SYN2: variants seen among roughly 807,000 people sequenced by gnomAD.
The protein encoded by SYN2 is synapsin-2.
Under a neutral mutation model 50.9 loss-of-function variants are expected in SYN2, and 19 were observed. The observed-to-expected ratio is 0.37, with a 90% confidence interval of 0.26 to 0.55. The LOEUF (loss-of-function observed/expected upper bound fraction) is 0.55. Among genes scored for constraint, SYN2 ranks in the 20% least tolerant of loss-of-function variants. SYN2 has a pLI of 0.81. For missense variants in SYN2, 587 were observed against 576.4 expected (o/e 1.02, Z -0.19); for synonymous variants, 255 against 224.9 (o/e 1.13, Z -1.20).
chr3:12,123,928 T>C (rs1696613649), intron 1 of SYN2, among the ~76,000 whole-genome samples: 2 of 152,072 alleles, frequency 1.3e-5, no homozygotes, highest in Non-Finnish European at 2.9e-5. Flanking sequence ...GGAGGATCTC[T>C]TGAGCCCGGG....
chr3:12,004,638 C>T lies in SYN2; in HGVS notation c.87C>T (p.Pro29=), dbSNP rs1260826202. The T allele has an allele frequency of 2.3e-5, 10 of 440,454 alleles. No homozygotes were observed. The highest frequency in any genetic ancestry group is 3.6e-4 in the Middle Eastern group (1 of 2,816). 27.3% of individuals were successfully genotyped at this position (440,454 alleles called of 1,614,324 possible). ...GCTACATGACCGACCTGCAGCGGCC[C>T]GAGCCCCAGCAGCCGCCGCCGCCGC... ...PNGYMTDLQR[P]EPQQPPPPPP... Residue 29 remains proline, a synonymous_variant, in exon 1 of 13, where the codon CCC becomes CCT. Coordinates refer to ENST00000621198, the MANE Select transcript of SYN2 (RefSeq NM_133625.6).
chr3:12,046,591 G>A (rs1694744755), intron 1 of SYN2, among the ~76,000 whole-genome samples: 1 of 152,146 alleles, frequency 6.6e-6, no homozygotes, highest in South Asian at 2.1e-4. Context: ...TGACTGCTCT[G>A]GCTGCCATCT....
intron 1 of SYN2, among the ~76,000 whole-genome samples, chr3:12,063,525 C>G (rs1312399654): frequency 6.6e-5 from 10 of 151,966 alleles, no homozygotes. Context: ...AGGTTTCTCA[C>G]TGTCGGAGTG....
intron 2 of SYN2, among the ~76,000 whole-genome samples, chr3:12,141,313 A>T (rs1258407309): frequency 1.3e-5 from 2 of 152,094 alleles, no homozygotes; most frequent in Non-Finnish European, 2.9e-5. Context: ...TTCCTATGTG[A>T]TAAAAGAAGT....
At chr3:12,089,647 AT>A (rs1195510024) in intron 1 of SYN2, among the ~76,000 whole-genome samples, 1 of 152,126 alleles carries the variant, frequency 6.6e-6, no homozygotes, top group African/African-American at 2.4e-5. Context: ...TTATATTTAA[AT>A]TTTTTCTTTT....
intron 7 of SYN2, among the ~76,000 whole-genome samples, chr3:12,166,708 AAAG>A (rs1229058840): frequency 2.6e-5 from 4 of 152,234 alleles, no homozygotes; most frequent in African/African-American, 7.2e-5. Context: ...GTGAGCCAGT[AAAG>A]AAGATATTGG....
At chr3:12,042,789 A>G (rs1694647328) in intron 1 of SYN2, among the ~76,000 whole-genome samples, 1 of 152,206 alleles carries the variant, frequency 6.6e-6, no homozygotes, top group Non-Finnish European at 1.5e-5. Context: ...AGAGAGCAGC[A>G]CAGAGAGGAG....
chr3:12,086,798 G>A (rs1008924443), intron 1 of SYN2, among the ~76,000 whole-genome samples: 4 of 152,022 alleles, frequency 2.6e-5, no homozygotes, highest in African/African-American at 9.7e-5. Context: ...TCTAAGATCA[G>A]GAATAAGACC....
chr3:12,140,820 C>G, intron 2 of SYN2, 112 bp downstream of exon 2: 4 of 705,360 alleles, frequency 5.7e-6, no homozygotes, highest in Non-Finnish European at 7.9e-6. Context: ...TCATTGGGTT[C>G]TGGACTCTGC....
At chr3:12,058,994 A>G (rs1695056551) in intron 1 of SYN2, among the ~76,000 whole-genome samples, 1 of 152,168 alleles carries the variant, frequency 6.6e-6, no homozygotes, top group Non-Finnish European at 1.5e-5. Flanking sequence ...GTGTATCTAA[A>G]TCTACCTGTC....
chr3:12,064,070 G>A (rs764473806), intron 1 of SYN2, among the ~76,000 whole-genome samples: 1 of 151,872 alleles, frequency 6.6e-6, no homozygotes, highest in Non-Finnish European at 1.5e-5. Flanking sequence ...AAGTAATGTT[G>A]GTAGTGTATA....
intron 1 of SYN2, among the ~76,000 whole-genome samples, chr3:12,072,928 C>T (rs1432768074): frequency 6.6e-6 from 1 of 152,034 alleles, no homozygotes; most frequent in Non-Finnish European, 1.5e-5. Context: ...GCACTAAAGG[C>T]TAGTTGAAAG....
intron 1 of SYN2, among the ~76,000 whole-genome samples, chr3:12,035,232 G>A (rs534949136): frequency 6.6e-6 from 1 of 152,252 alleles, no homozygotes. Flanking sequence ...TCAGGGACTG[G>A]GCCCACAAGG....
At chr3:12,045,244 T>G (rs915959051) in intron 1 of SYN2, among the ~76,000 whole-genome samples, 1 of 152,192 alleles carries the variant, frequency 6.6e-6, no homozygotes, top group African/African-American at 2.4e-5. Flanking sequence ...CTTCAGCAAC[T>G]GCTTAATGAC....
intron 1 of SYN2, among the ~76,000 whole-genome samples, chr3:12,090,772 G>T (rs1025995239): frequency 5.9e-5 from 9 of 152,110 alleles, no homozygotes; most frequent in African/African-American, 2.2e-4. Flanking sequence ...TTGTGTCACT[G>T]ACAGACTGGC....
At chr3:12,086,935 A>G (rs1369866244) in intron 1 of SYN2, among the ~76,000 whole-genome samples, 1 of 152,118 alleles carries the variant, frequency 6.6e-6, no homozygotes, top group Non-Finnish European at 1.5e-5. Context: ...TCTGCTGATG[A>G]TATTATATAT....
At chr3:12,046,090 G>A (rs568187434) in intron 1 of SYN2, among the ~76,000 whole-genome samples, 6 of 152,266 alleles carry the variant, frequency 3.9e-5, no homozygotes, top group African/African-American at 1.4e-4. Flanking sequence ...GTTTAATTAG[G>A]AAAGAGACTG....
chr3:12,184,665 A>G (rs1272666160), intron 11 of SYN2: 30 of 985,800 alleles, frequency 3.0e-5, no homozygotes, highest in Non-Finnish European at 3.6e-5. Context: ...TGTTTTGGAC[A>G]GAGGCTCCAC....
chr3:12,059,636 A>G (rs1250901061), intron 1 of SYN2, among the ~76,000 whole-genome samples: 1 of 152,124 alleles, frequency 6.6e-6, no homozygotes, highest in African/African-American at 2.4e-5. Flanking sequence ...TTTAGCTTCT[A>G]CAGGGGAATC....
Sources: allele counts gnomAD v4.1 joint callset (sites outside exome capture counted in the v4.1 genomes callset), GRCh38; gene constraint gnomAD v4.1.1; transcripts MANE v1.5; gene names NCBI Gene and HGNC (gene_info 2026-07-23, HGNC 2026-07-21).